The following OR9Q1 variants were observed in gnomAD, a reference collection of about 807,000 sequenced individuals.
The protein encoded by OR9Q1 is olfactory receptor 9Q1.
For synonymous variants in OR9Q1, 153 were observed against 148.6 expected (o/e 1.03, Z -0.22); for missense variants, 374 against 378.8 (o/e 0.99, Z 0.11).
chr11:58,046,418 A>G (rs1187049482), intron 1 of OR9Q1, among the ~76,000 whole-genome samples: 1 of 152,226 alleles, frequency 6.6e-6, no homozygotes, highest in African/African-American at 2.4e-5. Context: ...AGAACATATT[A>G]TACCAGTTAT....
At chr11:58,070,736 T>C (rs1853480036) in intron 2 of OR9Q1, among the ~76,000 whole-genome samples, 1 of 152,190 alleles carries the variant, frequency 6.6e-6, no homozygotes, top group Non-Finnish European at 1.5e-5. Context: ...GTCTTCACTA[T>C]CAAGCTCTAG....
In OR9Q1 at chr11:58,180,296, G is replaced by A; in HGVS notation, c.852G>A (p.Leu284=). ...SVLYTEVIPM[L]NPLIYSLRNK... ...TTTACACAGAGGTCATCCCCATGTT[G>A]AATCCCCTCATCTACAGCCTGAGGA... The change falls in exon 3 of 3, where the codon TTG becomes TTA. Residue 284 remains leucine (L), a synonymous_variant. Coordinates refer to ENST00000335397, the MANE Select transcript of OR9Q1 (RefSeq NM_001005212.4). 1 of 1,613,760 alleles carries A rather than the reference G, an allele frequency of 6.2e-7. No individual in the cohort carries two copies. The highest frequency in any genetic ancestry group is 8.5e-7 in the Non-Finnish European group (1 of 1,179,724).
chr11:58,156,365 C>T (rs1854407703), intron 2 of OR9Q1, among the ~76,000 whole-genome samples: 1 of 152,200 alleles, frequency 6.6e-6, no homozygotes, highest in African/African-American at 2.4e-5. Context: ...ACAGTGTGAT[C>T]TGCTGCTACC....
chr11:58,118,852 A>T, intron 2 of OR9Q1: 1 of 1,614,052 alleles, frequency 6.2e-7, no homozygotes, highest in Non-Finnish European at 8.5e-7. Flanking sequence ...GAAGATGATG[A>T]CAATCTCGAT....
chr11:58,079,664 C>A (rs1039828342), intron 2 of OR9Q1, among the ~76,000 whole-genome samples: 6 of 152,118 alleles, frequency 3.9e-5, no homozygotes, highest in Non-Finnish European at 7.3e-5. Context: ...TTTTTGGAAT[C>A]ATGAGAATGC....
intron 2 of OR9Q1, among the ~76,000 whole-genome samples, chr11:58,101,715 T>C (rs1359819643): frequency 3.3e-5 from 5 of 152,178 alleles, no homozygotes; most frequent in African/African-American, 1.2e-4. Context: ...CCTAGGTCAA[T>C]GTCCAGAACA....
At chr11:58,165,548 A>G (rs973868158) in intron 2 of OR9Q1, among the ~76,000 whole-genome samples, 3 of 152,150 alleles carry the variant, frequency 2.0e-5, no homozygotes, top group Non-Finnish European at 4.4e-5. Context: ...TTGGAAGCGC[A>G]CAAACCACTT....
intron 2 of OR9Q1, among the ~76,000 whole-genome samples, chr11:58,067,299 G>C (rs139654722): frequency 6.6e-6 from 1 of 152,030 alleles, no homozygotes; most frequent in Non-Finnish European, 1.5e-5. Flanking sequence ...GCCTCCCAAA[G>C]TGTTGGGATT....
chr11:58,065,156 A>G (rs1048744167), intron 2 of OR9Q1, among the ~76,000 whole-genome samples: 3 of 152,184 alleles, frequency 2.0e-5, no homozygotes, highest in Non-Finnish European at 2.9e-5. Context: ...AGGAAGACAC[A>G]TGGACTGGGA....
intron 2 of OR9Q1, among the ~76,000 whole-genome samples, chr11:58,113,253 A>G (rs17152364): frequency 0.27 from 40,581 of 152,150 alleles, 5,788 homozygotes; most frequent in Middle Eastern, 0.41. Flanking sequence ...GCAAAAGAGA[A>G]CAATGAAGTC....
chr11:58,122,431 T>A (rs1259390572), intron 2 of OR9Q1, among the ~76,000 whole-genome samples: 1 of 152,208 alleles, frequency 6.6e-6, no homozygotes, highest in Non-Finnish European at 1.5e-5. Flanking sequence ...CCCTTCAACA[T>A]GGACTTCGCT....
At chr11:58,163,595 CT>C (rs1854475229) in intron 2 of OR9Q1, among the ~76,000 whole-genome samples, 1 of 152,166 alleles carries the variant, frequency 6.6e-6, no homozygotes, top group African/African-American at 2.4e-5. Flanking sequence ...TGCACTTGTC[CT>C]AGTTATTTTT....
chr11:58,155,301 AT>A (rs1349001209), intron 2 of OR9Q1, among the ~76,000 whole-genome samples: 1 of 152,188 alleles, frequency 6.6e-6, no homozygotes, highest in East Asian at 1.9e-4. Context: ...AAGTCAACTG[AT>A]TTAAATGTTA....
intron 2 of OR9Q1, chr11:58,125,249 C>CCCCCA (rs141493207): frequency 3.7e-5 from 3 of 81,210 alleles, no homozygotes; most frequent in Admixed American, 1.6e-4. Context: ...GCCCCCCCCC[C>CCCCCA]AAAAAAAAGC....
At chr11:58,075,219 T>C (rs1489872043) in intron 2 of OR9Q1, among the ~76,000 whole-genome samples, 1 of 152,226 alleles carries the variant, frequency 6.6e-6, no homozygotes, top group Non-Finnish European at 1.5e-5. Context: ...TTTCATGATA[T>C]TGATTCTTCC....
chr11:58,085,806 A>G (rs1853628776), intron 2 of OR9Q1, among the ~76,000 whole-genome samples: 1 of 151,826 alleles, frequency 6.6e-6, no homozygotes, highest in Admixed American at 6.6e-5. Flanking sequence ...CATCAGTAAG[A>G]TGGAAGAATG....
intron 2 of OR9Q1, among the ~76,000 whole-genome samples, chr11:58,086,117 A>G (rs1853631330): frequency 6.6e-6 from 1 of 151,928 alleles, no homozygotes; most frequent in Non-Finnish European, 1.5e-5. Context: ...CATACATCAT[A>G]TCAAGGGCTA....
intron 2 of OR9Q1, among the ~76,000 whole-genome samples, chr11:58,177,441 G>T (rs1307723771): frequency 6.6e-6 from 1 of 152,198 alleles, no homozygotes; most frequent in Non-Finnish European, 1.5e-5. Flanking sequence ...GATAAGAAAA[G>T]TTCCTACCTC....
At chr11:58,070,658 C>A (rs1406633644) in intron 2 of OR9Q1, among the ~76,000 whole-genome samples, 1 of 152,202 alleles carries the variant, frequency 6.6e-6, no homozygotes, top group East Asian at 1.9e-4. Flanking sequence ...CCTTGAACCA[C>A]TCAACACAGA....
Sources: gnomAD v4.1 joint callset for allele counts (sites outside exome capture counted in the v4.1 genomes callset) on GRCh38, gnomAD v4.1.1 for gene constraint, MANE v1.5 for transcripts, NCBI Gene and HGNC (gene_info 2026-07-23, HGNC 2026-07-21) for gene names.